Variants in ATXN7L1 observed in about 807,000 individuals in gnomAD.
The protein encoded by ATXN7L1 is ataxin 7 like 1, also known as ataxin-7-like protein 1.
ATXN7L1 carries 15 observed loss-of-function variants against 70.8 expected under a neutral mutation model. The ratio of observed to expected loss-of-function variants is 0.21; its 90% CI spans 0.14 to 0.33. The LOEUF is 0.33. ATXN7L1 is among the 10% of genes least tolerant of loss of function. The pLI is 1.00. For missense variants in ATXN7L1, 975 were observed against 1,097.1 expected (o/e 0.89, Z 1.57); for synonymous variants, 440 against 445.1 (o/e 0.99, Z 0.14).
chr7:105,718,444 C>T (rs896534629), intron 3 of ATXN7L1, among the ~76,000 whole-genome samples: 1 of 152,100 alleles, frequency 6.6e-6, no homozygotes, highest in African/African-American at 2.4e-5. Context: ...AGGATTAAGG[C>T]GTATTTAAGG....
intron 2 of ATXN7L1, among the ~76,000 whole-genome samples, chr7:105,873,527 T>C (rs557924142): frequency 6.6e-6 from 1 of 152,330 alleles, no homozygotes; most frequent in African/African-American, 2.4e-5. Context: ...CATGGGGGAA[T>C]ACGTATTCAG....
chr7:105,873,156 A>AAAAAC (rs67923679), intron 2 of ATXN7L1, among the ~76,000 whole-genome samples: 7 of 150,668 alleles, frequency 4.6e-5, no homozygotes, highest in Non-Finnish European at 1.0e-4. Flanking sequence ...TCCGTCTCAA[A>AAAAAC]AAAACAAAAC....
intron 3 of ATXN7L1, among the ~76,000 whole-genome samples, chr7:105,685,044 GATAATAATAATAATAATAATA>G (rs112358794): frequency 3.5e-5 from 5 of 142,692 alleles, no homozygotes; most frequent in African/African-American, 1.0e-4. Flanking sequence ...GAGAAGAGAT[GATAATAATAATAATAATAATA>G]ATAATAATAA....
At chr7:105,685,701 T>C (rs1338334137) in intron 3 of ATXN7L1, among the ~76,000 whole-genome samples, 1 of 152,170 alleles carries the variant, frequency 6.6e-6, no homozygotes, top group Non-Finnish European at 1.5e-5. Context: ...TGAAGGGCCG[T>C]GAGAGTTACT....
At chr7:105,752,932 T>A (rs1799377778) in intron 3 of ATXN7L1, among the ~76,000 whole-genome samples, 3 of 152,258 alleles carry the variant, frequency 2.0e-5, no homozygotes, top group Non-Finnish European at 4.4e-5. Flanking sequence ...GCCACCAAGC[T>A]CATAGTGAAT....
At chr7:105,649,292 G>T in intron 4 of ATXN7L1, 2 of 884,488 alleles carry the variant, frequency 2.3e-6, no homozygotes, top group African/African-American at 1.8e-5. Context: ...TGTCTAATAT[G>T]CTGGGAGTAG....
At chr7:105,741,896 A>G (rs1798059574) in intron 3 of ATXN7L1, among the ~76,000 whole-genome samples, 1 of 152,198 alleles carries the variant, frequency 6.6e-6, no homozygotes, top group Non-Finnish European at 1.5e-5. Flanking sequence ...CAAGCCTTCC[A>G]GCAAACCACC....
chr7:105,701,346 C>T (rs1471779800), intron 3 of ATXN7L1, among the ~76,000 whole-genome samples: 2 of 152,066 alleles, frequency 1.3e-5, no homozygotes, highest in Non-Finnish European at 2.9e-5. Context: ...TAAGATTCTA[C>T]TTTTATTTTA....
intron 7 of ATXN7L1, among the ~76,000 whole-genome samples, chr7:105,628,711 T>C (rs1200371771): frequency 6.6e-6 from 1 of 151,596 alleles, no homozygotes; most frequent in East Asian, 1.9e-4. Flanking sequence ...GAGAATGGCG[T>C]GAACCCGGGA....
At chr7:105,708,931 G>A (rs890579689) in intron 3 of ATXN7L1, among the ~76,000 whole-genome samples, 3 of 152,214 alleles carry the variant, frequency 2.0e-5, no homozygotes, top group Admixed American at 6.5e-5. Flanking sequence ...ACATCAGAGA[G>A]TAGTGCCCTA....
In ATXN7L1 at chr7:105,705,182, C is replaced by A. The variant is rs189072444; in HGVS notation, c.356-39894G>T. Among the ~76,000 whole-genome samples the A allele has an allele frequency of 2.2e-3, 336 of 151,998 alleles. 4 individuals are homozygous for A. Among genetic ancestry groups the A allele is most frequent in the African/African-American group, 7.6e-3 (315 of 41,482 alleles). The stretch of plus-strand genomic sequence containing the variant: ...TGGGATTTACAGGTGCGTGCCTCCA[C>A]GCCTGCCTAATTATTGTATTTTTAG... On this transcript the variant is annotated intron_variant, in intron 3 of 11. Transcript: ENST00000419735.
chr7:105,763,069 C>T (rs1159415985), intron 3 of ATXN7L1, among the ~76,000 whole-genome samples: 2 of 152,244 alleles, frequency 1.3e-5, no homozygotes, highest in African/African-American at 4.8e-5. Context: ...AGCTGAGCCA[C>T]TCCCAGATCC....
chr7:105,734,959 T>C (rs967815264), intron 3 of ATXN7L1, among the ~76,000 whole-genome samples: 16 of 152,196 alleles, frequency 1.1e-4, no homozygotes, highest in Non-Finnish European at 7.4e-5. Context: ...TCCACACTTA[T>C]GCTTTCCCTT....
intron 9 of ATXN7L1, among the ~76,000 whole-genome samples, chr7:105,619,140 G>GTTTTTTTTTTTTTTTTGTTTTTTTT (rs1794394809): frequency 2.0e-5 from 1 of 49,846 alleles, no homozygotes; most frequent in Non-Finnish European, 3.3e-5. Context: ...GAAATCTTTA[G>GTTTTTTTTTTTTTTTTGTTTTTTTT]TTTTTTTTTT....
Position 105,649,117 on chromosome 7 carries a change from A to C in ATXN7L1, c.579-5996T>G, listed in dbSNP as rs1799494267. ...ATGTGCACACTTCCCAAAGTCGCACAATTAGTTGCATTTATCAACTCACGA... is the reference window on the plus strand; with the variant it reads ...ATGTGCACACTTCCCAAAGTCGCACCATTAGTTGCATTTATCAACTCACGA... On this transcript the variant is annotated intron_variant, in intron 4 of 11. Coordinates refer to ENST00000419735, the MANE Select transcript of ATXN7L1 (RefSeq NM_020725.2). Among the ~76,000 whole-genome samples the C allele has an allele frequency of 2.0e-5, 3 of 152,348 alleles. No individual in the cohort carries two copies. In the South Asian group the frequency reaches 6.2e-4, roughly 32 times the overall value.
At chr7:105,679,233 G>T in intron 3 of ATXN7L1, 1 of 795,616 alleles carries the variant, frequency 1.3e-6, no homozygotes, top group Non-Finnish European at 1.5e-6. Context: ...AGAAAAGCCC[G>T]GAACAGTCAG....
chr7:105,749,890 G>A (rs1798994222), intron 3 of ATXN7L1, among the ~76,000 whole-genome samples: 1 of 151,862 alleles, frequency 6.6e-6, no homozygotes, highest in Admixed American at 6.6e-5. Flanking sequence ...ACCCACCGTT[G>A]AGGATCACTG....
chr7:105,649,421 T>C, intron 4 of ATXN7L1: 1 of 987,766 alleles, frequency 1.0e-6, no homozygotes, highest in Non-Finnish European at 1.2e-6. Context: ...GTTTCTTTTG[T>C]GCTGCTTTAG....
chr7:105,771,648 T>C (rs1418032873), intron 3 of ATXN7L1, among the ~76,000 whole-genome samples: 6 of 152,196 alleles, frequency 3.9e-5, no homozygotes, highest in Non-Finnish European at 7.3e-5. Flanking sequence ...CTGAGAAGCA[T>C]TGCCAGTGTT....
Sources: allele counts gnomAD v4.1 joint callset (sites outside exome capture counted in the v4.1 genomes callset), GRCh38; gene constraint gnomAD v4.1.1; transcripts MANE v1.5; gene names NCBI Gene and HGNC (gene_info 2026-07-23, HGNC 2026-07-21).